ANGPTL1: variants seen among roughly 807,000 people sequenced by gnomAD.
The protein encoded by ANGPTL1 is angiopoietin like 1.
In ANGPTL1, 36 loss-of-function variants were observed where a neutral mutation model predicts 46.7. The observed-to-expected ratio is 0.77, with a 90% CI of 0.59 to 1.02. ANGPTL1 has a LOEUF of 1.02. Ranked by LOEUF, ANGPTL1 falls within the 50% of genes least tolerant of loss-of-function variation. ANGPTL1 has a pLI of 0.00. For missense variants in ANGPTL1, 571 were observed against 594.7 expected (o/e 0.96, Z 0.41); for synonymous variants, 221 against 204.3 (o/e 1.08, Z -0.69).
chr1:178,856,202 G>GATTATATATATATATATATATAT (rs1657545243), intron 3 of ANGPTL1, among the ~76,000 whole-genome samples: 1 of 83,912 alleles, frequency 1.2e-5, no homozygotes, highest in African/African-American at 6.4e-5. Context: ...GAGAGAGAGA[G>GATTATATATATATATATATATAT]ATATATATAT....
intron 3 of ANGPTL1, among the ~76,000 whole-genome samples, chr1:178,860,399 C>G (rs1328504223): frequency 6.6e-6 from 1 of 151,916 alleles, no homozygotes; most frequent in Non-Finnish European, 1.5e-5. Context: ...TTCTTATAAC[C>G]ATTTTTAAAG....
chr1:178,868,435 T>G (rs2102344985), intron 2 of ANGPTL1, among the ~76,000 whole-genome samples: 1 of 152,056 alleles, frequency 6.6e-6, no homozygotes, highest in South Asian at 2.1e-4. Flanking sequence ...TTATTTTACT[T>G]AAATAATATT....
At chr1:178,855,521 G>A (rs966530731) in intron 3 of ANGPTL1, among the ~76,000 whole-genome samples, 3 of 151,864 alleles carry the variant, frequency 2.0e-5, no homozygotes, top group African/African-American at 7.2e-5. Context: ...AAGTAGTACA[G>A]ACTAGTAAAA....
chr1:178,866,495 A>C (rs1209475289), intron 2 of ANGPTL1, among the ~76,000 whole-genome samples: 1 of 152,116 alleles, frequency 6.6e-6, no homozygotes, highest in South Asian at 2.1e-4. Flanking sequence ...TATTTCCTGA[A>C]CTGTAATTAT....
chr1:178,854,296 A>C (rs897503958), intron 3 of ANGPTL1, among the ~76,000 whole-genome samples: 6 of 152,212 alleles, frequency 3.9e-5, no homozygotes, highest in African/African-American at 1.4e-4. Context: ...CATAATACCC[A>C]AGTTACAGTT....
rs1470875236 is a variant in ANGPTL1, at chr1:178,849,600, C to T, written c.*1529G>A. 1 of 151,984 alleles carries T rather than the reference C, an allele frequency of 6.6e-6. No individual in the cohort carries two copies. The allele number at this position is 151,984 out of a possible 1,614,324, so 9.4% of individuals were successfully genotyped here. A position where few individuals can be genotyped will look rare whatever the true frequency, so the allele number is the denominator to read the frequency against. Reference sequence around the variant, plus strand: ...TGGTGTAACAGTTAGATGCCCAGTTCCTTCCAGGAATCTTATAACAGATTC... The same window carrying T: ...TGGTGTAACAGTTAGATGCCCAGTTTCTTCCAGGAATCTTATAACAGATTC... On this transcript the variant is annotated 3_prime_UTR_variant, in exon 6 of 6. Transcript: ENST00000234816.
intron 3 of ANGPTL1, among the ~76,000 whole-genome samples, chr1:178,860,463 G>A (rs1430234285): frequency 1.3e-5 from 2 of 151,998 alleles, no homozygotes; most frequent in Non-Finnish European, 2.9e-5. Context: ...CATAATTACT[G>A]TCTTCACCAT....
chr1:178,850,433 A>G lies in ANGPTL1; in HGVS notation c.*696T>C, dbSNP rs1005065461. The G allele has an allele frequency of 2.0e-5, 3 of 152,306 alleles. No individual in the cohort carries two copies. Among genetic ancestry groups the G allele is most frequent in the African/African-American group, 4.8e-5 (2 of 41,460 alleles). The allele number at this position is 152,306 out of a possible 1,614,324, so 9.4% of individuals were successfully genotyped here. ...GGTGTTCAGCATATCATATGAAGAT[A>G]ACACTGAAAAATTCATTCATAGATT... On this transcript the variant is annotated 3_prime_UTR_variant, in exon 6 of 6. Coordinates refer to ENST00000234816, the MANE Select transcript of ANGPTL1 (RefSeq NM_004673.4).
intron 2 of ANGPTL1, 136 bp downstream of exon 2, chr1:178,868,978 T>G (rs761318327): frequency 6.6e-6 from 1 of 152,070 alleles, no homozygotes; most frequent in Non-Finnish European, 1.5e-5. Context: ...CATTCTCTTA[T>G]TTAATATTTT....
rs1448387366 is a variant in ANGPTL1, at chr1:178,850,495, T to C, written c.*634A>G. On this transcript the variant is annotated 3_prime_UTR_variant, in exon 6 of 6. Transcript: ENST00000234816. Reference sequence around the variant, plus strand: ...ATTGACCATTTAAATTATGCATGCATTATTTTTGGGTTTTTTTTTATTTTT... The same window carrying C: ...ATTGACCATTTAAATTATGCATGCACTATTTTTGGGTTTTTTTTTATTTTT... 2 of 151,538 alleles carry C rather than the reference T, an allele frequency of 1.3e-5. No individual in the cohort carries two copies. Among genetic ancestry groups the C allele is most frequent in the African/African-American group, 4.9e-5 (2 of 41,060 alleles). The allele number at this position is 151,538 out of a possible 1,614,324, so 9.4% of individuals were successfully genotyped here. A position where few individuals can be genotyped will look rare whatever the true frequency, so the allele number is the denominator to read the frequency against.
At chr1:178,864,699 C>G (rs190465813) in intron 3 of ANGPTL1, among the ~76,000 whole-genome samples, 20 of 152,110 alleles carry the variant, frequency 1.3e-4, no homozygotes, top group African/African-American at 4.3e-4. Flanking sequence ...ATAGTAGCCC[C>G]TCGATCATAA....
Position 178,864,300 on chromosome 1 carries a change from T to C in ANGPTL1, c.823+654A>G, listed in dbSNP as rs576495017. 5.3e-5 allele frequency among the ~76,000 whole-genome samples: 8 copies of C among 152,276 alleles called. No homozygotes were observed. The South Asian group carries it at 1.4e-3, about 28-fold the overall frequency. ...TAGTTTTTTTTTATAATAATGAACA[T>C]TTATATTTCTTAGGATACACAGTAC... On this transcript the variant is annotated intron_variant, in intron 3 of 5. Transcript: ENST00000234816.
At chr1:178,856,234 T>TATATATATATATACAC (rs1368301659) in intron 3 of ANGPTL1, among the ~76,000 whole-genome samples, 3 of 128,786 alleles carry the variant, frequency 2.3e-5, no homozygotes, top group African/African-American at 6.3e-5. Context: ...TATATATATA[T>TATATATATATATACAC]GGTTTTGGGT....
Position 178,851,293 on chromosome 1 carries a change from C to T in ANGPTL1, c.1312G>A (p.Gly438Arg), listed in dbSNP as rs1402538302. The T allele has an allele frequency of 6.2e-6, 10 of 1,610,164 alleles. No homozygotes were observed. The highest frequency in any genetic ancestry group is 7.6e-6 in the Non-Finnish European group (9 of 1,178,766). Residue 438 changes from glycine (G) to arginine (R), a missense_variant, in exon 6 of 6, where the codon GGA becomes AGA. Coordinates refer to ENST00000234816, the MANE Select transcript of ANGPTL1 (RefSeq NM_004673.4). The stretch of plus-strand genomic sequence containing the variant: ...GCACAGGCATTGTACCACCAGCCTC[C>T]TTTATGAAAGTGGGCGCAGTTTCCT... ...YAGNCAHFHK[G>R]GWWYNACAHS...
intron 2 of ANGPTL1, among the ~76,000 whole-genome samples, chr1:178,868,811 TTAAA>T (rs1279659408): frequency 3.3e-5 from 5 of 151,960 alleles, no homozygotes; most frequent in Non-Finnish European, 1.5e-5. Context: ...AGTTTAGTTT[TTAAA>T]TAAATATAAT....
intron 3 of ANGPTL1, among the ~76,000 whole-genome samples, chr1:178,861,333 TAAAG>T (rs1437427807): frequency 8.5e-5 from 13 of 152,280 alleles, no homozygotes; most frequent in Admixed American, 3.3e-4. Context: ...ATTTTTGTGT[TAAAG>T]AAAGTTTCAC....
rs1037707138 is a variant in ANGPTL1, at chr1:178,849,565, A to G, written c.*1564T>C. 2 of 152,234 alleles carry G rather than the reference A, an allele frequency of 1.3e-5. No individual in the cohort carries two copies. Among genetic ancestry groups the G allele is most frequent in the East Asian group, 1.9e-4 (1 of 5,204 alleles). The allele number at this position is 152,234 out of a possible 1,614,324, so 9.4% of individuals were successfully genotyped here. A position where few individuals can be genotyped will look rare whatever the true frequency, so the allele number is the denominator to read the frequency against. On this transcript the variant is annotated 3_prime_UTR_variant, in exon 6 of 6. Transcript: ENST00000234816. ...GAGAAGCCTTGGTAAAGTTTTATTC[A>G]CTTAAGATTTGGTGTAACAGTTAGA...
rs374926904 is a variant in ANGPTL1 at position 178,865,407 on chromosome 1, G to A, written c.370C>T (p.Arg124Cys). 2.7e-5 allele frequency: 43 copies of A among 1,613,762 alleles called. No individual in the cohort carries two copies. The highest frequency in any genetic ancestry group is 2.3e-4 in the African/African-American group (17 of 74,852). ...NEVKLLRKES[R>C]NMNSRVTQLY... ...TGAGTAACACGAGAGTTCATGTTACGGCTTTCCTTTCTCAGCAGCTTTACC... is the reference window on the plus strand; with the variant it reads ...TGAGTAACACGAGAGTTCATGTTACAGCTTTCCTTTCTCAGCAGCTTTACC... The change falls in exon 3 of 6, where the codon CGT (arginine) becomes TGT (cysteine). Residue 124 changes from arginine (R) to cysteine (C), a missense_variant. Physicochemically the swap from Arg to Cys is radical, Grantham distance 180 (BLOSUM62 -3). Transcript: ENST00000234816.
At chr1:178,865,935 T>A in intron 2 of ANGPTL1, 133 bp from the exon 3 acceptor site, 1 of 531,496 alleles carries the variant, frequency 1.9e-6, no homozygotes, top group South Asian at 3.2e-5. Context: ...TAGGCTAGAA[T>A]TAACTTTATT....
Sources: allele counts gnomAD v4.1 joint callset (sites outside exome capture counted in the v4.1 genomes callset), GRCh38; gene constraint gnomAD v4.1.1; transcripts MANE v1.5; gene names NCBI Gene and HGNC (gene_info 2026-07-23, HGNC 2026-07-21).